The following ZNF536 variants were observed in gnomAD, a reference collection of about 807,000 sequenced individuals.
ZNF536 encodes zinc finger protein 536.
A neutral mutation model predicts 84.5 loss-of-function variants in ZNF536; 13 were observed. That is an observed-to-expected ratio of 0.15 (90% CI 0.10 to 0.24). The LOEUF (loss-of-function observed/expected upper bound fraction) is 0.24. ZNF536 is among the 10% of genes least tolerant of loss of function. The pLI, the probability that ZNF536 is intolerant of heterozygous loss-of-function variation, is 1.00. For missense variants in ZNF536, 1,536 were observed against 1,747.5 expected, an observed-to-expected ratio of 0.88 and a Z score of 2.16; for synonymous variants, 811 against 742.5, an observed-to-expected ratio of 1.09 and a Z score of -1.50.
chr19:30,396,959 C>T (rs1329167364), intron 1 of ZNF536, among the ~76,000 whole-genome samples: 2 of 152,196 alleles, frequency 1.3e-5, no homozygotes, highest in African/African-American at 2.4e-5. Context: ...GGCACCTCCA[C>T]CTTCCTGCAA....
At chr19:30,418,934 C>A (rs1379678027) in intron 1 of ZNF536, among the ~76,000 whole-genome samples, 1 of 151,948 alleles carries the variant, frequency 6.6e-6, no homozygotes, top group African/African-American at 2.4e-5. Flanking sequence ...GATGGATTTT[C>A]TTTTATTTTA....
intron 4 of ZNF536, chr19:30,554,742 A>G (rs780109221): frequency 7.9e-5 from 12 of 152,164 alleles, no homozygotes; most frequent in Non-Finnish European, 1.5e-5. Context: ...GTTGCGTTCT[A>G]TTACAACTTT....
intron 2 of ZNF536, among the ~76,000 whole-genome samples, chr19:30,288,973 G>A (rs2045740605): frequency 6.6e-6 from 1 of 152,158 alleles, no homozygotes; most frequent in Admixed American, 6.5e-5. Flanking sequence ...GGTCTTTCCA[G>A]CATCCCTTGG....
intron 2 of ZNF536, among the ~76,000 whole-genome samples, chr19:30,345,702 G>A (rs183969040): frequency 1.8e-4 from 27 of 152,278 alleles, no homozygotes; most frequent in Admixed American, 1.4e-3. Flanking sequence ...AGAGAGTCTC[G>A]GATGCTTAGT....
chr19:30,469,865 G>A (rs2053561180), intron 2 of ZNF536, among the ~76,000 whole-genome samples: 1 of 152,280 alleles, frequency 6.6e-6, no homozygotes, highest in African/African-American at 2.4e-5. Flanking sequence ...AGTGAAGTCA[G>A]CTTCACCCAG....
intron 1 of ZNF536, among the ~76,000 whole-genome samples, chr19:30,563,458 G>T (rs2146453653): frequency 6.6e-6 from 1 of 152,288 alleles, no homozygotes; most frequent in Middle Eastern, 3.4e-3. Flanking sequence ...CCAATCGGTG[G>T]CCCAGATTCT....
At chr19:30,240,383 A>AG (rs2023856141) in intron 1 of ZNF536, among the ~76,000 whole-genome samples, 1 of 151,738 alleles carries the variant, frequency 6.6e-6, no homozygotes, top group African/African-American at 2.4e-5. Context: ...AGAAAAAAAA[A>AG]AAATCCAAGG....
chr19:30,595,236 C>A (rs139510455), intron 1 of ZNF536, among the ~76,000 whole-genome samples: 1 of 152,116 alleles, frequency 6.6e-6, no homozygotes, highest in Non-Finnish European at 1.5e-5. Flanking sequence ...GCCTTATTAC[C>A]CTCCCTCCAT....
chr19:30,255,260 G>A, intron 1 of ZNF536, among the ~76,000 whole-genome samples: 1 of 152,072 alleles, frequency 6.6e-6, no homozygotes, highest in Non-Finnish European at 1.5e-5. Context: ...GGGAACATAT[G>A]GCTTTAGAGC....
chr19:30,327,404 A>G (rs1568334487), intron 2 of ZNF536, among the ~76,000 whole-genome samples: 1 of 152,162 alleles, frequency 6.6e-6, no homozygotes, highest in Non-Finnish European at 1.5e-5. Context: ...CTCTGTGAAC[A>G]GTTATTTTAT....
At chr19:30,233,408 A>G (rs996755445) in intron 1 of ZNF536, among the ~76,000 whole-genome samples, 2 of 151,866 alleles carry the variant, frequency 1.3e-5, no homozygotes, top group Non-Finnish European at 2.9e-5. Context: ...GCAGTGGTGC[A>G]ATCACGGCTC....
At chr19:30,248,620 G>A (rs2024431213) in intron 1 of ZNF536, among the ~76,000 whole-genome samples, 1 of 152,046 alleles carries the variant, frequency 6.6e-6, no homozygotes, top group Non-Finnish European at 1.5e-5. Flanking sequence ...ATGTGTGATT[G>A]GAAAGAGACT....
Position 30,374,692 on chromosome 19 carries a change from T to TG in ZNF536, c.-3+2136_-3+2137insG, listed in dbSNP as rs1013819022. Among the ~76,000 whole-genome samples the TG allele has an allele frequency of 2.1e-4, 32 of 149,512 alleles. No individual in the cohort carries two copies. In the South Asian group the frequency reaches 4.3e-3, roughly 20 times the overall value. On this transcript the variant is annotated intron_variant, in intron 1 of 4. Coordinates refer to ENST00000355537, the MANE Select transcript of ZNF536 (RefSeq NM_014717.3). ...GAAAACACAACAAACTGAGTGTTGT[T>TG]TTTTTTTCTTTCCCTCCTGCAACTT...
At position 30,693,430 on chromosome 19, in the gene ZNF536, T is replaced by C. The variant is rs1330809820; in HGVS notation, c.170-17327T>C. ...TAGATGGAAACTTTCACATGCTTCA[T>C]TGCAGCTGGGTGCGGACATCTGTCA... On this transcript the variant is annotated intron_variant, in intron 1 of 1. Coordinates refer to the ZNF536 transcript ENST00000592773. 9.9e-5 allele frequency among the ~76,000 whole-genome samples: 15 copies of C among 152,224 alleles called. 1 individual carries two copies. The highest frequency in any genetic ancestry group is 9.8e-4 in the Admixed American group (15 of 15,288).
At chr19:30,263,407 G>C (rs1333126049) in intron 1 of ZNF536, among the ~76,000 whole-genome samples, 1 of 152,030 alleles carries the variant, frequency 6.6e-6, no homozygotes, top group Non-Finnish European at 1.5e-5. Flanking sequence ...CAGATTCCCT[G>C]GCATCTCCCA....
At chr19:30,384,902 G>A (rs988843515) in intron 1 of ZNF536, among the ~76,000 whole-genome samples, 1 of 152,080 alleles carries the variant, frequency 6.6e-6, no homozygotes, top group African/African-American at 2.4e-5. Flanking sequence ...GGCATAGCCT[G>A]TAATCCCAGC....
At chr19:30,271,014 C>T (rs2025802999) in intron 1 of ZNF536, among the ~76,000 whole-genome samples, 1 of 152,132 alleles carries the variant, frequency 6.6e-6, no homozygotes, top group Middle Eastern at 3.4e-3. Context: ...AGAGAGAATG[C>T]ACTCTTTCTA....
At chr19:30,295,164 G>A (rs976887731) in intron 2 of ZNF536, among the ~76,000 whole-genome samples, 4 of 152,210 alleles carry the variant, frequency 2.6e-5, no homozygotes, top group African/African-American at 9.6e-5. Context: ...AGATGCTGAT[G>A]CTGCTGGTCC....
chr19:30,306,537 T>A (rs1432346336), intron 2 of ZNF536, among the ~76,000 whole-genome samples: 1 of 152,228 alleles, frequency 6.6e-6, no homozygotes, highest in African/African-American at 2.4e-5. Context: ...CTGGATTTGC[T>A]TTTGGCTTTT....
Sources: gnomAD v4.1 joint callset for allele counts (sites outside exome capture counted in the v4.1 genomes callset) on GRCh38, gnomAD v4.1.1 for gene constraint, MANE v1.5 for transcripts, NCBI Gene and HGNC (gene_info 2026-07-23, HGNC 2026-07-21) for gene names.